Variants in TEX14 observed in about 807,000 individuals in gnomAD.
TEX14 encodes the protein inactive serine/threonine-protein kinase TEX14.
Under a neutral mutation model 178.6 loss-of-function variants are expected in TEX14, and 168 were observed. That is an observed-to-expected ratio of 0.94 (90% CI 0.83 to 1.07). TEX14 has a LOEUF of 1.07. TEX14 is among the 50% of genes least tolerant of loss of function. The probability of loss-of-function intolerance (pLI) is 0.00; values close to 1 mark genes in which losing one functional copy is unlikely to be tolerated. For synonymous variants in TEX14, 626 were observed against 634.1 expected (o/e 0.99, Z 0.19); for missense variants, 1,730 against 1,753.6 (o/e 0.99, Z 0.24).
intron 19 of TEX14, among the ~76,000 whole-genome samples, chr17:58,583,466 T>C (rs752003073): frequency 6.6e-6 from 1 of 152,110 alleles, no homozygotes; most frequent in Non-Finnish European, 1.5e-5. Flanking sequence ...GGTCATACTA[T>C]GGTGCCCAGC....
In TEX14 at chr17:58,570,464, A is replaced by G. The variant is rs1347350765; in HGVS notation, c.3738T>C (p.Ile1246=). ...LTGLKRLSSF[I]GAGSPSLVKA... ...TAACAAGGCTGGGGGATCCAGCCCC[A>G]ATAAATGAAGACAATCTTTTCTATA... Residue 1246 remains isoleucine, a synonymous_variant, in exon 25 of 32, where the codon ATT becomes ATC. Transcript: ENST00000349033. 3 of 1,525,926 alleles carry G rather than the reference A, an allele frequency of 2.0e-6. No homozygotes were observed. The highest frequency in any genetic ancestry group is 2.6e-6 in the Non-Finnish European group (3 of 1,148,966). The allele number at this position is 1,525,926 out of a possible 1,614,324, so 94.5% of individuals were successfully genotyped here.
intron 1 of TEX14, among the ~76,000 whole-genome samples, chr17:58,658,725 T>C (rs2047021032): frequency 6.6e-6 from 1 of 152,022 alleles, no homozygotes; most frequent in Non-Finnish European, 1.5e-5. Context: ...CATAGCAAAC[T>C]GGTAAATTTA....
chr17:58,570,483 T>A lies in TEX14; in HGVS notation c.3719A>T (p.Lys1240Ile). The A allele has an allele frequency of 6.6e-7, 1 of 1,524,034 alleles. No homozygotes were observed. Among genetic ancestry groups the A allele is most frequent in the South Asian group, 1.3e-5 (1 of 75,028 alleles). 94.4% of individuals were successfully genotyped at this position (1,524,034 alleles called of 1,614,324 possible). ...ETPPSRLTGL[K>I]RLSSFIGAGS... Reference sequence around the variant, plus strand: ...AGCCCCAATAAATGAAGACAATCTTTTCTATAAGGAAGAGATAAACATGGT... The same window carrying A: ...AGCCCCAATAAATGAAGACAATCTTATCTATAAGGAAGAGATAAACATGGT... Residue 1240 changes from lysine to isoleucine, a missense_variant and splice_region_variant, in exon 25 of 32, where the codon AAA (lysine) becomes ATA (isoleucine). Physicochemically the swap from Lys to Ile is moderately radical, Grantham distance 102. Transcript: ENST00000349033.
intron 5 of TEX14, 62 bp from the exon 6 acceptor site, chr17:58,617,681 T>C: frequency 3.3e-6 from 4 of 1,215,384 alleles, no homozygotes; most frequent in Middle Eastern, 4.1e-4. Context: ...AGAATAATAA[T>C]GCTGAACCAA....
At chr17:58,565,947 G>A (rs1351391546) in intron 26 of TEX14, 123 bp from the exon 27 acceptor site, 19 of 712,050 alleles carry the variant, frequency 2.7e-5, no homozygotes, top group Middle Eastern at 3.9e-4. Context: ...CCGGGAACTC[G>A]TTAGGAATGC....
At chr17:58,681,815 C>A (rs1361667041) in intron 1 of TEX14, among the ~76,000 whole-genome samples, 1 of 151,722 alleles carries the variant, frequency 6.6e-6, no homozygotes, top group Non-Finnish European at 1.5e-5. Flanking sequence ...TGCACTCCAG[C>A]CTGGGTGACA....
chr17:58,686,418 A>T (rs2047592673), intron 1 of TEX14, among the ~76,000 whole-genome samples: 1 of 152,110 alleles, frequency 6.6e-6, no homozygotes. Context: ...GGTTCTGGGA[A>T]TGGGGTGAAG....
At chr17:58,667,101 G>A (rs571331636) in intron 1 of TEX14, among the ~76,000 whole-genome samples, 1 of 152,342 alleles carries the variant, frequency 6.6e-6, no homozygotes, top group South Asian at 2.1e-4. Flanking sequence ...GGATCTCCCT[G>A]TATGGAGAGT....
chr17:58,679,833 T>C (rs1448012268), intron 1 of TEX14: 1 of 152,128 alleles, frequency 6.6e-6, no homozygotes, highest in Non-Finnish European at 1.5e-5. Flanking sequence ...ACCTGTATTT[T>C]TAATATCTGG....
rs1203432617 is a variant in TEX14 at position 58,602,566 on chromosome 17, T to G, written c.1361A>C (p.Asp454Ala). 4 of 1,613,520 alleles carry G rather than the reference T, an allele frequency of 2.5e-6. No individual in the cohort carries two copies. The highest frequency in any genetic ancestry group is 2.7e-5 in the African/African-American group (2 of 74,826). The change falls in exon 12 of 32, where the codon GAT becomes GCT. Residue 454 changes from aspartate (D) to alanine (A), a missense_variant. Physicochemically the swap from Asp to Ala is moderately radical, Grantham distance 126. Around this residue, in one of 2 missense-constraint regions of TEX14, gnomAD observed 789 missense variants for 681.2 expected, o/e 1.16. Transcript: ENST00000349033. ...TACGGCTTTTTTAACAACTGAGCCATCTAAGCCCTTCCAGGGTATGTCATC... is the reference window on the plus strand; with the variant it reads ...TACGGCTTTTTTAACAACTGAGCCAGCTAAGCCCTTCCAGGGTATGTCATC... ...LTDDIPWKGL[D>A]GSVVKKAVVS...
chr17:58,648,628 A>G (rs1306284655), intron 2 of TEX14, among the ~76,000 whole-genome samples: 1 of 152,016 alleles, frequency 6.6e-6, no homozygotes, highest in African/African-American at 2.4e-5. Flanking sequence ...GTAGGCTGAC[A>G]TATTTCAACT....
intron 19 of TEX14, among the ~76,000 whole-genome samples, chr17:58,580,025 G>C (rs1188408096): frequency 6.6e-6 from 1 of 152,128 alleles, no homozygotes; most frequent in Non-Finnish European, 1.5e-5. Flanking sequence ...TTTGGTTCTT[G>C]GGAGCTTTAT....
intron 2 of TEX14, chr17:58,631,687 A>G (rs1013648353): frequency 1.3e-5 from 2 of 151,652 alleles, no homozygotes; most frequent in African/African-American, 4.8e-5. Context: ...CCAACAGCAA[A>G]CAGCAGTTAG....
intron 1 of TEX14, among the ~76,000 whole-genome samples, chr17:58,659,893 C>T: frequency 6.6e-6 from 1 of 151,576 alleles, no homozygotes; most frequent in Admixed American, 6.6e-5. Flanking sequence ...GATGGGGTTT[C>T]ACCATGGTGG....
rs549426451 is a variant in TEX14 at position 58,602,744 on chromosome 17, C to T, written c.1337-154G>A. ...ACTGTACTTTAGAAACAATTCATTT[C>T]CTTATATATTAATTTCTCTCTGTAG... On this transcript the variant is annotated intron_variant, in intron 11 of 31. Transcript: ENST00000349033. Among the ~76,000 whole-genome samples, 7 of 151,960 alleles carry T rather than the reference C, an allele frequency of 4.6e-5. No homozygotes were observed. In the South Asian group the frequency reaches 1.5e-3, roughly 32 times the overall value.
intron 1 of TEX14, among the ~76,000 whole-genome samples, chr17:58,686,114 G>A (rs551127544): frequency 6.6e-6 from 1 of 152,160 alleles, no homozygotes; most frequent in South Asian, 2.1e-4. Context: ...ACTTTGGGAG[G>A]CCGAGGAGTC....
At chr17:58,635,126 C>CT (rs959268945) in intron 2 of TEX14, among the ~76,000 whole-genome samples, 4 of 136,928 alleles carry the variant, frequency 2.9e-5, no homozygotes. Flanking sequence ...AAGCGAAACT[C>CT]TGTCTCAAAA....
chr17:58,604,210 C>T (rs1214300763), intron 11 of TEX14, among the ~76,000 whole-genome samples: 2 of 151,834 alleles, frequency 1.3e-5, no homozygotes, highest in African/African-American at 4.8e-5. Flanking sequence ...TGGTGGCTCA[C>T]ACCTGTAATC....
intron 26 of TEX14, among the ~76,000 whole-genome samples, 192 bp downstream of exon 26, chr17:58,569,000 G>A (rs545501982): frequency 2.0e-5 from 3 of 152,170 alleles, no homozygotes; most frequent in East Asian, 3.9e-4. Context: ...AATCATCCTG[G>A]CCAGGCTGTG....
Sources: allele counts gnomAD v4.1 joint callset (sites outside exome capture counted in the v4.1 genomes callset), GRCh38; gene constraint gnomAD v4.1.1; regional missense constraint gnomAD v4.1.1; transcripts MANE v1.5; gene names NCBI Gene and HGNC (gene_info 2026-07-23, HGNC 2026-07-21).